AZU1: variants seen among roughly 807,000 people sequenced by gnomAD.
AZU1 encodes azurocidin.
A neutral mutation model predicts 17.8 loss-of-function variants in AZU1; 21 were observed. The ratio of observed to expected loss-of-function variants is 1.18; its 90% CI spans 0.84 to 1.70. The LOEUF (loss-of-function observed/expected upper bound fraction) is 1.70, where lower values mean the gene tolerates loss of function less well. Among genes scored for constraint, AZU1 ranks in the 40% most tolerant of loss-of-function variants. The pLI, the probability that AZU1 is intolerant of heterozygous loss-of-function variation, is 0.00. For synonymous variants in AZU1, 178 were observed against 155.2 expected (o/e 1.15, Z -1.09); for missense variants, 379 against 362.9 (o/e 1.04, Z -0.36).
intron 4 of AZU1, 158 bp from the exon 5 acceptor site, chr19:831,558 T>C: frequency 3.5e-6 from 3 of 864,680 alleles, no homozygotes; most frequent in Non-Finnish European, 3.4e-6. Context: ...CAAAGTCCAC[T>C]AGCAGTTAAC....
chr19:831,608 G>C lies in AZU1; in HGVS notation c.595-108G>C, dbSNP rs901731184. 2.4e-6 allele frequency: 3 copies of C among 1,250,824 alleles called. No homozygotes were observed. The Admixed American group carries it at 8.5e-5, about 36-fold the overall frequency. The allele number at this position is 1,250,824 out of a possible 1,614,324, so 77.5% of individuals were successfully genotyped here. The stretch of plus-strand genomic sequence containing the variant: ...AGAAGAGCCATGCAAAGGCCCTGGG[G>C]CTGGATCAGGACTTGTAGGTTCCAG... On this transcript the variant is annotated intron_variant, in intron 4 of 4. Coordinates refer to ENST00000233997, the MANE Select transcript of AZU1 (RefSeq NM_001700.5).
chr19:831,985 C>T lies in AZU1; in HGVS notation c.*108C>T, dbSNP rs1182716510. On this transcript the variant is annotated 3_prime_UTR_variant, in exon 5 of 5. Coordinates refer to ENST00000233997, the MANE Select transcript of AZU1 (RefSeq NM_001700.5). ...TGCCCCCGCTCCGGCCAGAGGGGCC[C>T]TGGCTGTAATAAAGAAGCCGATCTC... 1.5e-6 allele frequency: 2 copies of T among 1,335,940 alleles called. No individual in the cohort carries two copies. Among genetic ancestry groups the T allele is most frequent in the East Asian group, 2.4e-5 (1 of 42,222 alleles). The allele number at this position is 1,335,940 out of a possible 1,614,324, so 82.8% of individuals were successfully genotyped here.
intron 3 of AZU1, among the ~76,000 whole-genome samples, chr19:830,219 C>T (rs886273294): frequency 1.3e-5 from 2 of 151,964 alleles, no homozygotes; most frequent in South Asian, 2.1e-4. Context: ...GAGATCGCGC[C>T]CCTGCACTCC....
chr19:830,680 C>A, intron 3 of AZU1, 28 bp from the exon 4 acceptor site: 1 of 1,524,602 alleles, frequency 6.6e-7, no homozygotes, highest in Non-Finnish European at 8.8e-7. Context: ...CCAGGGCCAC[C>A]CTCCCCTGAC....
At chr19:829,521 G>A in intron 2 of AZU1, 41 bp from the exon 3 acceptor site, 3 of 1,603,756 alleles carry the variant, frequency 1.9e-6, no homozygotes, top group Non-Finnish European at 2.6e-6. Flanking sequence ...CCAGGCCCCA[G>A]CCTGGTGTCC....
Position 830,863 on chromosome 19 carries a change from G to T in AZU1, c.516G>T (p.Val172=). Residue 172 remains valine (V), a synonymous_variant, in exon 4 of 5, where the codon GTG becomes GTT. Coordinates refer to ENST00000233997, the MANE Select transcript of AZU1 (RefSeq NM_001700.5). The stretch of plus-strand genomic sequence containing the variant: ...CCCGTTTTCCCAGGTTTGTCAACGT[G>T]ACTGTGACCCCCGAGGACCAGTGTC... The part of the protein sequence containing the change: ...RLSRFPRFVN[V]TVTPEDQCRP... 1 of 1,607,714 alleles carries T rather than the reference G, an allele frequency of 6.2e-7. No homozygotes were observed.
chr19:829,166 TAAGGGAATGGGGTCAGATGGGGGAGGTG>T (rs2035253226), intron 2 of AZU1, among the ~76,000 whole-genome samples: 1 of 14,446 alleles, frequency 6.9e-5, no homozygotes, highest in African/African-American at 7.1e-4. Context: ...GAGGCCCAGA[TAAGGGAATGGGGTCAGATGGGGGAGGTG>T]CAGAGAAGGG....
chr19:831,622 T>C (rs1282846193), intron 4 of AZU1, 94 bp from the exon 5 acceptor site: 10 of 1,342,664 alleles, frequency 7.4e-6, no homozygotes, highest in Non-Finnish European at 9.9e-6. Flanking sequence ...GATCAGGACT[T>C]GTAGGTTCCA....
rs764845229 is a variant in AZU1, at chr19:829,725, C to T, written c.360+19C>T. 20 of 1,608,520 alleles carry T rather than the reference C, an allele frequency of 1.2e-5. No individual in the cohort carries two copies. The highest frequency in any genetic ancestry group is 1.5e-5 in the Non-Finnish European group (18 of 1,176,240). ...GCTTCAGGTGAGAGGATGGTGCCAC[C>T]TGTGATCCCAGCACCTCGGGAGGCC... On this transcript the variant is annotated intron_variant, in intron 3 of 4. Coordinates refer to ENST00000233997, the MANE Select transcript of AZU1 (RefSeq NM_001700.5).
chr19:830,394 G>A (rs1357732624), intron 3 of AZU1, among the ~76,000 whole-genome samples: 1 of 152,178 alleles, frequency 6.6e-6, no homozygotes, highest in African/African-American at 2.4e-5. Context: ...TGTTTTTCAT[G>A]TTTGGTTTTT....
chr19:828,007 G>A, intron 1 of AZU1, 103 bp downstream of exon 1: 2 of 1,477,866 alleles, frequency 1.4e-6, no homozygotes, highest in South Asian at 1.2e-5. Flanking sequence ...GCTTGGCCTG[G>A]GTCACACAGC....
chr19:831,685 G>C (rs1185426286), intron 4 of AZU1, 31 bp from the exon 5 acceptor site: 2 of 1,558,244 alleles, frequency 1.3e-6, no homozygotes, highest in Non-Finnish European at 1.7e-6. Context: ...CCAGGCCCTG[G>C]GACGCCCTGA....
chr19:829,536 T>G, intron 2 of AZU1, 26 bp from the exon 3 acceptor site: 4 of 1,609,758 alleles, frequency 2.5e-6, no homozygotes, highest in Non-Finnish European at 3.4e-6. Context: ...GTGTCCTCCC[T>G]CTGCCCTTTC....
intron 4 of AZU1, 126 bp from the exon 5 acceptor site, chr19:831,590 C>A: frequency 1.9e-6 from 2 of 1,069,434 alleles, no homozygotes; most frequent in Non-Finnish European, 2.6e-6. Context: ...AAGAGAAGAG[C>A]CATGCAAAGG....
chr19:830,096 C>T (rs1358030809), intron 3 of AZU1, among the ~76,000 whole-genome samples: 2 of 151,940 alleles, frequency 1.3e-5, no homozygotes, highest in Non-Finnish European at 2.9e-5. Flanking sequence ...CCCATCTCTA[C>T]TAAAAATACA....
chr19:830,860 C>T lies in AZU1; in HGVS notation c.513C>T (p.Asn171=), dbSNP rs141614223. ...TCTCCCGTTTTCCCAGGTTTGTCAA[C>T]GTGACTGTGACCCCCGAGGACCAGT... ...GRLSRFPRFV[N]VTVTPEDQCR... is the part of the protein sequence containing the mutation. Residue 171 remains asparagine, a synonymous_variant, in exon 4 of 5, where the codon AAC becomes AAT. Transcript: ENST00000233997. 1.8e-5 allele frequency: 29 copies of T among 1,607,760 alleles called. No individual in the cohort carries two copies. Among genetic ancestry groups the T allele is most frequent in the East Asian group, 6.7e-5 (3 of 44,880 alleles).
rs1192842290 is a variant in AZU1 at position 828,367 on chromosome 19, G to A, written c.196G>A (p.Ala66Thr). ...CCATGCCCGCTTCGTGATGACCGCGGCCAGCTGCTTCCAAAGCCAGTGAGG... is the reference window on the plus strand; with the variant it reads ...CCATGCCCGCTTCGTGATGACCGCGACCAGCTGCTTCCAAAGCCAGTGAGG... ...LIHARFVMTA[A>T]SCFQSQNPGV... Residue 66 changes from alanine (A) to threonine (T), a missense_variant, in exon 2 of 5, where the codon GCC (alanine) becomes ACC (threonine). Physicochemically the swap from Ala to Thr is moderately conservative, Grantham distance 58 (BLOSUM62 0). Coordinates refer to ENST00000233997, the MANE Select transcript of AZU1 (RefSeq NM_001700.5). The A allele has an allele frequency of 6.3e-7, 1 of 1,592,614 alleles. No homozygotes were observed. The highest frequency in any genetic ancestry group is 8.6e-7 in the Non-Finnish European group (1 of 1,168,692).
At position 830,787 on chromosome 19, in the gene AZU1, C is replaced by T. The variant is rs763793172; in HGVS notation, c.440C>T (p.Thr147Ile). 2.5e-6 allele frequency: 4 copies of T among 1,605,782 alleles called. No individual in the cohort carries two copies. Among genetic ancestry groups the T allele is most frequent in the Non-Finnish European group, 3.4e-6 (4 of 1,179,888 alleles). The change falls in exon 4 of 5, where the codon ACC becomes ATC. Residue 147 changes from threonine (T) to isoleucine (I), a missense_variant. Transcript: ENST00000233997. ...CAGAACGCCACGGTGGAAGCCGGCA[C>T]CAGATGCCAGGTGGCCGGCTGGGGG... ...PLQNATVEAG[T>I]RCQVAGWGSQ...
chr19:831,016 G>A, intron 4 of AZU1, 75 bp downstream of exon 4: 1 of 1,447,462 alleles, frequency 6.9e-7, no homozygotes, highest in East Asian at 2.4e-5. Flanking sequence ...AGCAAGTGCA[G>A]GCTGAGGGCG....
Sources: gnomAD v4.1 joint callset for allele counts (sites outside exome capture counted in the v4.1 genomes callset) on GRCh38, gnomAD v4.1.1 for gene constraint, MANE v1.5 for transcripts, NCBI Gene and HGNC (gene_info 2026-07-23, HGNC 2026-07-21) for gene names.